WASHC3: variants seen among roughly 807,000 people sequenced by gnomAD.
WASHC3 encodes WASH complex subunit CCDC53.
A neutral mutation model predicts 26.1 loss-of-function variants in WASHC3; 24 were observed. The observed-to-expected ratio is 0.92, with a 90% CI of 0.66 to 1.29. The LOEUF is 1.29. Ranked by LOEUF, WASHC3 falls within the 50% of genes most tolerant of loss-of-function variation. WASHC3 has a pLI of 0.00. For missense variants in WASHC3, 214 were observed against 229.6 expected (o/e 0.93, Z 0.44); for synonymous variants, 77 against 75.7 (o/e 1.02, Z -0.09).
chr12:102,040,871 T>A (rs1372145108), intron 4 of WASHC3, among the ~76,000 whole-genome samples: 1 of 152,036 alleles, frequency 6.6e-6, no homozygotes, highest in African/African-American at 2.4e-5. Context: ...TTAAAAGAAT[T>A]TCCTTAGAAG....
chr12:102,059,651 T>C (rs1878727602), intron 2 of WASHC3: 1 of 152,212 alleles, frequency 6.6e-6, no homozygotes, highest in Admixed American at 6.6e-5. Flanking sequence ...CTCAAACAAG[T>C]TGCTTTCATA....
intron 5 of WASHC3, among the ~76,000 whole-genome samples, chr12:102,034,698 T>C (rs573199721): frequency 8.7e-5 from 13 of 149,968 alleles, no homozygotes; most frequent in Middle Eastern, 3.4e-3. Flanking sequence ...AATAATATAA[T>C]AGGGAAAAAA....
intron 2 of WASHC3, among the ~76,000 whole-genome samples, chr12:102,059,184 C>T (rs966967566): frequency 6.6e-6 from 1 of 151,862 alleles, no homozygotes; most frequent in Admixed American, 6.6e-5. Flanking sequence ...CTAAGAGAGG[C>T]GATTTTAAGT....
intron 2 of WASHC3, chr12:102,050,453 A>AACAC (rs58251617): frequency 0.072 from 23,946 of 332,530 alleles, 582 homozygotes; most frequent in Non-Finnish European, 0.091. Context: ...TGCCATCTCT[A>AACAC]ACACACACAC....
At chr12:102,030,071 G>A (rs942667164) in intron 5 of WASHC3, among the ~76,000 whole-genome samples, 2 of 151,992 alleles carry the variant, frequency 1.3e-5, no homozygotes, top group East Asian at 1.9e-4. Context: ...TGAGGTGGGC[G>A]GATCACCTGA....
chr12:102,027,997 TA>T (rs1338936291), intron 5 of WASHC3, among the ~76,000 whole-genome samples: 1 of 152,110 alleles, frequency 6.6e-6, no homozygotes, highest in Non-Finnish European at 1.5e-5. Context: ...GAGGCAATTT[TA>T]AAGATATTCT....
At chr12:102,060,947 C>A (rs1368962702) in intron 2 of WASHC3, among the ~76,000 whole-genome samples, 2 of 121,286 alleles carry the variant, frequency 1.6e-5, no homozygotes, top group Non-Finnish European at 3.2e-5. Context: ...AGAGTGAGAC[C>A]CTGTCTCACA....
At chr12:102,049,371 C>A (rs1457108614) in intron 2 of WASHC3, among the ~76,000 whole-genome samples, 2 of 152,152 alleles carry the variant, frequency 1.3e-5, no homozygotes, top group African/African-American at 4.8e-5. Flanking sequence ...AAAGTTTTAG[C>A]AAGAGGAAAT....
At chr12:102,019,842 C>T (rs571162879) in intron 6 of WASHC3, among the ~76,000 whole-genome samples, 13 of 152,260 alleles carry the variant, frequency 8.5e-5, no homozygotes, top group East Asian at 1.9e-4. Context: ...TATACAAAGG[C>T]GCAGCAGGAA....
At chr12:102,047,413 G>A (rs1346737952) in intron 2 of WASHC3, among the ~76,000 whole-genome samples, 3 of 152,062 alleles carry the variant, frequency 2.0e-5, no homozygotes, top group Non-Finnish European at 4.4e-5. Flanking sequence ...TCTTGATATC[G>A]ACAAAGACAT....
intron 6 of WASHC3, chr12:102,019,478 C>G (rs1341916845): frequency 2.0e-5 from 5 of 245,674 alleles, no homozygotes; most frequent in African/African-American, 1.2e-4. Flanking sequence ...ACACACTTTA[C>G]TACTAAAATT....
chr12:102,023,737 T>C (rs1877053336), intron 6 of WASHC3, among the ~76,000 whole-genome samples: 1 of 152,172 alleles, frequency 6.6e-6, no homozygotes, highest in Non-Finnish European at 1.5e-5. Context: ...TGGTGACCAA[T>C]GGCATGTGCA....
At chr12:102,049,895 T>G (rs1038208607) in intron 2 of WASHC3, among the ~76,000 whole-genome samples, 1 of 152,214 alleles carries the variant, frequency 6.6e-6, no homozygotes, top group Non-Finnish European at 1.5e-5. Flanking sequence ...AAAATGAATG[T>G]AGAAGATAAG....
At chr12:102,061,043 C>T (rs1012182880) in intron 2 of WASHC3, among the ~76,000 whole-genome samples, 1 of 151,608 alleles carries the variant, frequency 6.6e-6, no homozygotes, top group African/African-American at 2.4e-5. Context: ...TCACAGGGAC[C>T]TCTAGAACAC....
chr12:102,047,998 C>T (rs948269891), intron 2 of WASHC3, among the ~76,000 whole-genome samples: 4 of 152,102 alleles, frequency 2.6e-5, no homozygotes, highest in Admixed American at 6.5e-5. Flanking sequence ...ATACACTTCA[C>T]GAGATTTTTT....
At chr12:102,043,282 AT>A (rs1042922718) in intron 4 of WASHC3, among the ~76,000 whole-genome samples, 6 of 151,920 alleles carry the variant, frequency 3.9e-5, no homozygotes, top group African/African-American at 1.5e-4. Context: ...TTTATTTTTT[AT>A]TTTTGAGGCA....
upstream of WASHC3, chr12:102,062,029 G>C: frequency 7.3e-7 from 1 of 1,378,812 alleles, no homozygotes; most frequent in Admixed American, 2.0e-5. Flanking sequence ...CGCCCAACCC[G>C]GTAATCACGT....
chr12:102,061,993 C>T, upstream of WASHC3: 1 of 1,569,694 alleles, frequency 6.4e-7, no homozygotes, highest in African/African-American at 1.3e-5. Flanking sequence ...CCCGAGTTCA[C>T]CCACAAACCC....
At chr12:102,020,918 C>T (rs1256313338) in intron 6 of WASHC3, among the ~76,000 whole-genome samples, 1 of 152,010 alleles carries the variant, frequency 6.6e-6, no homozygotes, top group African/African-American at 2.4e-5. Flanking sequence ...CCTGTCTCTA[C>T]TAAAAATATA....
Sources: gnomAD v4.1 joint callset for allele counts (sites outside exome capture counted in the v4.1 genomes callset) on GRCh38, gnomAD v4.1.1 for gene constraint, MANE v1.5 for transcripts, NCBI Gene and HGNC (gene_info 2026-07-23, HGNC 2026-07-21) for gene names.